Variants in C1orf21 observed in about 807,000 individuals in gnomAD.
The protein encoded by C1orf21 is chromosome 1 open reading frame 21, also known as uncharacterized protein C1orf21.
A neutral mutation model predicts 18.7 loss-of-function variants in C1orf21; 3 were observed. The ratio of observed to expected loss-of-function variants is 0.16; its 90% CI spans 0.07 to 0.42. The LOEUF (loss-of-function observed/expected upper bound fraction) is 0.42. Among genes scored for constraint, C1orf21 ranks in the 10% least tolerant of loss-of-function variants. The pLI, the probability that C1orf21 is intolerant of heterozygous loss-of-function variation, is 0.99. For synonymous variants in C1orf21, 41 were observed against 46.4 expected, an observed-to-expected ratio of 0.88 and a Z score of 0.47; for missense variants, 104 against 143.6, an observed-to-expected ratio of 0.72 and a Z score of 1.41.
intron 1 of C1orf21, among the ~76,000 whole-genome samples, chr1:184,417,422 A>G (rs1350076943): frequency 6.6e-6 from 1 of 152,210 alleles, no homozygotes; most frequent in Non-Finnish European, 1.5e-5. Flanking sequence ...GAAGGCTTTT[A>G]ATTTAACCCA....
rs1655955237 is a variant in C1orf21, at chr1:184,390,488, ATATTGACTACG to A, written c.-125+3123_-125+3133del. On this transcript the variant is annotated intron_variant, in intron 1 of 5. Coordinates refer to ENST00000235307, the MANE Select transcript of C1orf21 (RefSeq NM_030806.4). ...GATTTGCCTCCAGTTTTTTAGGAACATATTGACTACGTAAATCTACTTATACATCTAGTCAA... is the reference window on the plus strand; with the variant it reads ...GATTTGCCTCCAGTTTTTTAGGAACATAAATCTACTTATACATCTAGTCAA... Among the ~76,000 whole-genome samples, 3 of 152,350 alleles carry A rather than the reference ATATTGACTACG, an allele frequency of 2.0e-5. No individual in the cohort carries two copies. In the South Asian group the frequency reaches 6.2e-4, roughly 32 times the overall value.
intron 1 of C1orf21, among the ~76,000 whole-genome samples, chr1:184,472,564 G>A (rs1464920617): frequency 6.6e-6 from 1 of 152,020 alleles, no homozygotes; most frequent in Non-Finnish European, 1.5e-5. Flanking sequence ...ATATTTTCCT[G>A]TAGCCTTTTT....
intron 2 of C1orf21, among the ~76,000 whole-genome samples, chr1:184,487,679 G>A (rs1392164226): frequency 2.0e-5 from 3 of 152,278 alleles, no homozygotes; most frequent in African/African-American, 2.4e-5. Context: ...GCTATTTTCC[G>A]TGGAACTGAA....
chr1:184,484,603 C>T (rs1033560845), intron 2 of C1orf21, among the ~76,000 whole-genome samples: 1 of 152,182 alleles, frequency 6.6e-6, no homozygotes, highest in Admixed American at 6.5e-5. Context: ...GTTCAGGAAT[C>T]AGGTTGGGCA....
At chr1:184,462,453 T>C (rs1657322405) in intron 1 of C1orf21, among the ~76,000 whole-genome samples, 1 of 152,138 alleles carries the variant, frequency 6.6e-6, no homozygotes, top group South Asian at 2.1e-4. Context: ...GAGCCAAACC[T>C]GACTTGAGTA....
At chr1:184,460,843 A>G (rs1657297821) in intron 1 of C1orf21, among the ~76,000 whole-genome samples, 1 of 151,674 alleles carries the variant, frequency 6.6e-6, no homozygotes, top group Non-Finnish European at 1.5e-5. Context: ...GACAGAGCCA[A>G]TGTGTGTGAA....
At chr1:184,562,457 A>G (rs1558003391) in intron 3 of C1orf21, among the ~76,000 whole-genome samples, 1 of 152,216 alleles carries the variant, frequency 6.6e-6, no homozygotes, top group Non-Finnish European at 1.5e-5. Flanking sequence ...ACAAGTGTTC[A>G]CTGAGTTCCT....
chr1:184,398,921 A>G (rs1656105281), intron 1 of C1orf21, among the ~76,000 whole-genome samples: 1 of 152,224 alleles, frequency 6.6e-6, no homozygotes, highest in East Asian at 1.9e-4. Flanking sequence ...ATGTATTTCT[A>G]AAAGATACAG....
chr1:184,607,732 CAT>C (rs1314804828), intron 5 of C1orf21, among the ~76,000 whole-genome samples: 7 of 148,398 alleles, frequency 4.7e-5, no homozygotes, highest in South Asian at 2.1e-4. Context: ...TATATATATA[CAT>C]ATATATGTGT....
At chr1:184,414,064 T>C (rs1345196339) in intron 1 of C1orf21, among the ~76,000 whole-genome samples, 1 of 152,234 alleles carries the variant, frequency 6.6e-6, no homozygotes, top group Non-Finnish European at 1.5e-5. Flanking sequence ...CCTTGAGAAC[T>C]GCAGAGTGCG....
chr1:184,542,180 C>T (rs556234206), intron 3 of C1orf21, among the ~76,000 whole-genome samples: 2 of 152,284 alleles, frequency 1.3e-5, no homozygotes, highest in South Asian at 4.1e-4. Flanking sequence ...CAGGGTCTCA[C>T]GTGAACATCC....
At chr1:184,522,531 A>G (rs1571397686) in intron 3 of C1orf21, among the ~76,000 whole-genome samples, 2 of 152,186 alleles carry the variant, frequency 1.3e-5, no homozygotes, top group African/African-American at 2.4e-5. Context: ...GTGTATGCAC[A>G]TACACACAAT....
intron 2 of C1orf21, among the ~76,000 whole-genome samples, chr1:184,502,944 G>A (rs1260940947): frequency 6.6e-6 from 1 of 151,780 alleles, no homozygotes; most frequent in Non-Finnish European, 1.5e-5. Flanking sequence ...CAGGCATGAT[G>A]GTGTGCACCT....
chr1:184,487,620 A>G (rs1434156327), intron 2 of C1orf21, among the ~76,000 whole-genome samples: 1 of 152,146 alleles, frequency 6.6e-6, no homozygotes, highest in East Asian at 1.9e-4. Flanking sequence ...TTGAGGTCAG[A>G]CTCAGTTTTT....
At chr1:184,558,351 G>A (rs184475738) in intron 3 of C1orf21, among the ~76,000 whole-genome samples, 1 of 152,274 alleles carries the variant, frequency 6.6e-6, no homozygotes, top group Non-Finnish European at 1.5e-5. Context: ...GACTGCTAAT[G>A]CTTTCAGAAC....
At position 184,553,766 on chromosome 1, in the gene C1orf21, G is replaced by A. The variant is rs184521095; in HGVS notation, c.190-36973G>A. ...CTGGTCCCTTTCCCCTCTACCAGAA[G>A]GTCTACCCCAATGGCAGAGTAGAAG... On this transcript the variant is annotated intron_variant, in intron 3 of 5. Transcript: ENST00000235307. Among the ~76,000 whole-genome samples, 207 of 152,240 alleles carry A rather than the reference G, an allele frequency of 1.4e-3. 2 individuals carry two copies. Among genetic ancestry groups the A allele is most frequent in the Non-Finnish European group, 1.8e-4 (12 of 68,034 alleles).
intron 3 of C1orf21, among the ~76,000 whole-genome samples, chr1:184,590,091 T>C (rs1659414695): frequency 6.6e-6 from 1 of 152,222 alleles, no homozygotes; most frequent in South Asian, 2.1e-4. Context: ...AGCAGTAGTA[T>C]TATTGAGATC....
At chr1:184,485,874 G>A (rs1657725033) in intron 2 of C1orf21, among the ~76,000 whole-genome samples, 1 of 152,126 alleles carries the variant, frequency 6.6e-6, no homozygotes, top group Non-Finnish European at 1.5e-5. Flanking sequence ...CCCTTTTTCT[G>A]TTTTTAGTGA....
At chr1:184,408,035 C>G (rs1656276976) in intron 1 of C1orf21, among the ~76,000 whole-genome samples, 1 of 152,162 alleles carries the variant, frequency 6.6e-6, no homozygotes, top group Non-Finnish European at 1.5e-5. Flanking sequence ...AGGTGGGCCA[C>G]AGACAGTCTG....
Sources: gnomAD v4.1 joint callset for allele counts (sites outside exome capture counted in the v4.1 genomes callset) on GRCh38, gnomAD v4.1.1 for gene constraint, MANE v1.5 for transcripts, NCBI Gene and HGNC (gene_info 2026-07-23, HGNC 2026-07-21) for gene names.